The following GRIN2A variants were observed in gnomAD, a reference collection of about 807,000 sequenced individuals.
GRIN2A encodes the protein glutamate receptor ionotropic, NMDA 2A.
In GRIN2A, 22 loss-of-function variants were observed where a neutral mutation model predicts 113.4. The ratio of observed to expected loss-of-function variants is 0.19; its 90% CI spans 0.14 to 0.28. GRIN2A has a LOEUF of 0.28. Among genes scored for constraint, GRIN2A ranks in the 10% least tolerant of loss-of-function variants. The pLI, the probability that GRIN2A is intolerant of heterozygous loss-of-function variation, is 1.00. For missense variants in GRIN2A, 1,502 were observed against 1,887.0 expected (o/e 0.80, Z 3.78); for synonymous variants, 827 against 738.4 (o/e 1.12, Z -1.94).
rs980827356 is a variant in GRIN2A at position 9,755,338 on chromosome 16, C to T, written c.*7811G>A. On this transcript the variant is annotated 3_prime_UTR_variant, in exon 13 of 13. Coordinates refer to ENST00000330684, the MANE Select transcript of GRIN2A (RefSeq NM_001134407.3). The stretch of plus-strand genomic sequence containing the variant: ...AATCGTTCTTTGGAGTGCTCCATTT[C>T]TGCATAGCTCAACATTCCAAGGAGA... 5.4e-6 allele frequency: 1 copy of T among 186,740 alleles called. No individual in the cohort carries two copies. Among genetic ancestry groups the T allele is most frequent in the Admixed American group, 6.2e-5 (1 of 16,142 alleles). 11.6% of individuals were successfully genotyped at this position (186,740 alleles called of 1,614,324 possible).
chr16:9,914,552 T>G (rs933421807), intron 3 of GRIN2A, among the ~76,000 whole-genome samples: 1 of 152,220 alleles, frequency 6.6e-6, no homozygotes, highest in Admixed American at 6.5e-5. Flanking sequence ...AATTTCCCAA[T>G]GCACAAGTTC....
At chr16:9,876,089 G>T (rs1032062323) in intron 4 of GRIN2A, among the ~76,000 whole-genome samples, 1 of 152,184 alleles carries the variant, frequency 6.6e-6, no homozygotes, top group Non-Finnish European at 1.5e-5. Flanking sequence ...CTGTGCCAAA[G>T]GGTGGAAGGC....
At chr16:10,087,516 G>C (rs1314471292) in intron 2 of GRIN2A, among the ~76,000 whole-genome samples, 1 of 152,190 alleles carries the variant, frequency 6.6e-6, no homozygotes, top group Non-Finnish European at 1.5e-5. Context: ...ACATGAAGCA[G>C]AGCTGCAACT....
intron 2 of GRIN2A, among the ~76,000 whole-genome samples, chr16:10,136,813 A>G (rs769164019): frequency 9.2e-5 from 14 of 152,206 alleles, no homozygotes; most frequent in Non-Finnish European, 4.4e-5. Flanking sequence ...TCGTTTTATC[A>G]TTATTATGAC....
At chr16:10,154,245 A>G (rs981737476) in intron 2 of GRIN2A, among the ~76,000 whole-genome samples, 3 of 152,136 alleles carry the variant, frequency 2.0e-5, no homozygotes, top group African/African-American at 7.2e-5. Flanking sequence ...AGTCGTAGCC[A>G]ACCCTCGGTG....
chr16:9,997,901 C>T (rs1216052227), intron 2 of GRIN2A, among the ~76,000 whole-genome samples: 1 of 152,192 alleles, frequency 6.6e-6, no homozygotes, highest in African/African-American at 2.4e-5. Flanking sequence ...GATTGTGAGG[C>T]CTCCCCAGCC....
At chr16:9,789,572 ACACACACACACAC>A (rs1902469742) in intron 11 of GRIN2A, among the ~76,000 whole-genome samples, 1 of 61,210 alleles carries the variant, frequency 1.6e-5, no homozygotes, top group African/African-American at 1.2e-4. Flanking sequence ...ACACACACAC[ACACACACACACAC>A]ACACAAACAC....
intron 6 of GRIN2A, 31 bp from the exon 7 acceptor site, chr16:9,840,831 A>C (rs1567337493): frequency 8.2e-7 from 1 of 1,217,952 alleles, no homozygotes. Flanking sequence ...AAAAAAAAAA[A>C]AAGAGAGAGA....
chr16:9,974,301 G>A (rs1349204870), intron 2 of GRIN2A, among the ~76,000 whole-genome samples: 1 of 152,142 alleles, frequency 6.6e-6, no homozygotes, highest in East Asian at 1.9e-4. Flanking sequence ...GCCTGGGCCT[G>A]CCTGACCTAA....
chr16:9,996,709 TG>T (rs1364339151), intron 2 of GRIN2A, among the ~76,000 whole-genome samples: 2 of 152,298 alleles, frequency 1.3e-5, no homozygotes, highest in East Asian at 3.9e-4. Flanking sequence ...GCTCCACCAA[TG>T]GGAAGAGGCT....
chr16:10,116,493 T>C (rs1487520959), intron 2 of GRIN2A, among the ~76,000 whole-genome samples: 4 of 152,042 alleles, frequency 2.6e-5, no homozygotes, highest in African/African-American at 9.7e-5. Flanking sequence ...AAAAAGGAAA[T>C]AGAACCATGG....
chr16:10,092,861 C>CT (rs33949885), intron 2 of GRIN2A, among the ~76,000 whole-genome samples: 13,190 of 142,430 alleles, frequency 0.093, 1,140 homozygotes, highest in African/African-American at 0.23. Context: ...TGAAAAGTTG[C>CT]TTTTTTTTTT....
chr16:10,014,414 T>C (rs987213141), intron 2 of GRIN2A, among the ~76,000 whole-genome samples: 1 of 152,250 alleles, frequency 6.6e-6, no homozygotes, highest in African/African-American at 2.4e-5. Context: ...CCTGGCCTTA[T>C]AAATGTACAC....
intron 2 of GRIN2A, among the ~76,000 whole-genome samples, chr16:10,148,820 C>T (rs953481176): frequency 2.0e-5 from 3 of 152,170 alleles, no homozygotes; most frequent in African/African-American, 7.2e-5. Flanking sequence ...TGGAAACAAC[C>T]TAAGTGTCTA....
intron 2 of GRIN2A, among the ~76,000 whole-genome samples, chr16:10,013,624 C>T (rs1327818522): frequency 6.6e-6 from 1 of 152,194 alleles, no homozygotes; most frequent in Non-Finnish European, 1.5e-5. Flanking sequence ...TCTCTGTGCT[C>T]ATTCTGTCTG....
intron 2 of GRIN2A, among the ~76,000 whole-genome samples, chr16:10,070,664 AGAT>A (rs1407022973): frequency 1.3e-5 from 2 of 152,114 alleles, no homozygotes; most frequent in Admixed American, 6.5e-5. Flanking sequence ...CAGATTTTCC[AGAT>A]GATAAGTTTT....
chr16:10,015,299 GGAAAAGAAA>G (rs1567235223), intron 2 of GRIN2A, among the ~76,000 whole-genome samples: 4 of 101,806 alleles, frequency 3.9e-5, no homozygotes, highest in Admixed American at 9.3e-5. Context: ...AGAAAGGAAA[GGAAAAGAAA>G]AAAAAGAAAT....
At chr16:10,090,166 C>A (rs966934149) in intron 2 of GRIN2A, among the ~76,000 whole-genome samples, 11 of 152,204 alleles carry the variant, frequency 7.2e-5, no homozygotes, top group Admixed American at 5.2e-4. Flanking sequence ...TTTACCATAT[C>A]TATCTCCAAC....
intron 2 of GRIN2A, among the ~76,000 whole-genome samples, chr16:10,128,606 C>A (rs1447654135): frequency 6.6e-6 from 1 of 152,226 alleles, no homozygotes; most frequent in Non-Finnish European, 1.5e-5. Context: ...CAGGCAAGAG[C>A]ATGAATCATG....
Sources: allele counts gnomAD v4.1 joint callset (sites outside exome capture counted in the v4.1 genomes callset), GRCh38; gene constraint gnomAD v4.1.1; transcripts MANE v1.5; gene names NCBI Gene and HGNC (gene_info 2026-07-23, HGNC 2026-07-21).